ZNF618: variants seen among roughly 807,000 people sequenced by gnomAD.
ZNF618 encodes neural precursor cell expressed, developmentally down-regulated 10.
A neutral mutation model predicts 103.0 loss-of-function variants in ZNF618; 34 were observed. The observed-to-expected ratio is 0.33, with a 90% CI of 0.25 to 0.44. ZNF618 has a LOEUF of 0.44. ZNF618 is among the 20% of genes least tolerant of loss of function. The pLI is 1.00. For missense variants in ZNF618, 1,059 were observed against 1,295.4 expected (o/e 0.82, Z 2.80); for synonymous variants, 551 against 542.2 (o/e 1.02, Z -0.23).
intron 10 of ZNF618, among the ~76,000 whole-genome samples, chr9:114,017,666 C>G (rs1842760007): frequency 6.6e-6 from 1 of 152,170 alleles, no homozygotes; most frequent in African/African-American, 2.4e-5. Context: ...TTGTTTCTCA[C>G]AGCAGAGCTG....
chr9:113,958,053 G>T (rs1314701628), intron 1 of ZNF618, among the ~76,000 whole-genome samples: 1 of 151,994 alleles, frequency 6.6e-6, no homozygotes, highest in Admixed American at 6.6e-5. Context: ...GAGATTAACT[G>T]TGACTGGAAA....
chr9:113,951,806 C>T (rs1440485944), intron 1 of ZNF618, among the ~76,000 whole-genome samples: 1 of 151,798 alleles, frequency 6.6e-6, no homozygotes, highest in African/African-American at 2.4e-5. Flanking sequence ...GTGCCATTTT[C>T]CTTTTCTTAG....
At position 113,951,559 on chromosome 9, in the gene ZNF618, GTA is replaced by G. The variant is rs1242686867; in HGVS notation, c.34-17554_34-17553del. 8.3e-5 allele frequency among the ~76,000 whole-genome samples: 3 copies of G among 36,046 alleles called. 1 individual carries two copies. The highest frequency in any genetic ancestry group is 1.9e-4 in the Non-Finnish European group (3 of 15,752). The allele number at this position is 36,046 out of a possible 152,430, so 23.6% of individuals were successfully genotyped here. A position where few individuals can be genotyped will look rare whatever the true frequency, so the allele number is the denominator to read the frequency against. ...TGTACATATGTACACATATGTGTGT[GTA>G]TATGTGTGTGTGTATATGTGTGTGT... On this transcript the variant is annotated intron_variant, in intron 1 of 14. Coordinates refer to ENST00000374126, the MANE Select transcript of ZNF618 (RefSeq NM_001318042.2).
At chr9:113,906,974 G>A (rs1224713382) in intron 1 of ZNF618, among the ~76,000 whole-genome samples, 1 of 152,178 alleles carries the variant, frequency 6.6e-6, no homozygotes, top group Non-Finnish European at 1.5e-5. Flanking sequence ...TCCAAGTGGT[G>A]GCAGAAATGG....
intron 1 of ZNF618, among the ~76,000 whole-genome samples, chr9:113,941,036 C>A (rs367621401): frequency 2.6e-5 from 4 of 152,018 alleles, no homozygotes; most frequent in African/African-American, 9.6e-5. Context: ...TCTTTTCTTT[C>A]TTTATCTTCT....
chr9:114,008,398 C>G lies in ZNF618; in HGVS notation c.676+19C>G. 1 of 1,614,032 alleles carries G rather than the reference C, an allele frequency of 6.2e-7. No homozygotes were observed. Among genetic ancestry groups the G allele is most frequent in the Non-Finnish European group, 8.5e-7 (1 of 1,179,882 alleles). ...CGGGCAGGTAAGTCCTTGGTGTCTGCTTGTCACCTCCCCTGTCCCCGGCTG... is the reference window on the plus strand; with the variant it reads ...CGGGCAGGTAAGTCCTTGGTGTCTGGTTGTCACCTCCCCTGTCCCCGGCTG... On this transcript the variant is annotated intron_variant, in intron 8 of 14. Coordinates refer to ENST00000374126, the MANE Select transcript of ZNF618 (RefSeq NM_001318042.2).
chr9:114,000,342 T>C (rs1841066786), intron 4 of ZNF618, among the ~76,000 whole-genome samples: 1 of 151,950 alleles, frequency 6.6e-6, no homozygotes, highest in Non-Finnish European at 1.5e-5. Flanking sequence ...GTGTCCGAGA[T>C]CAAAAAAAGG....
At chr9:113,900,317 C>T (rs957143586) in intron 1 of ZNF618, among the ~76,000 whole-genome samples, 2 of 152,152 alleles carry the variant, frequency 1.3e-5, no homozygotes, top group African/African-American at 4.8e-5. Context: ...CCACCTCGGC[C>T]TCCCAAAGTG....
chr9:114,012,953 G>T (rs1308972863), intron 9 of ZNF618, among the ~76,000 whole-genome samples: 2 of 151,470 alleles, frequency 1.3e-5, no homozygotes, highest in Non-Finnish European at 2.9e-5. Flanking sequence ...AAAGAGACCT[G>T]TACCTACATA....
intron 1 of ZNF618, among the ~76,000 whole-genome samples, chr9:113,934,845 A>G (rs1292708514): frequency 6.6e-6 from 1 of 152,214 alleles, no homozygotes; most frequent in Non-Finnish European, 1.5e-5. Context: ...TGGCCCGAGC[A>G]TGGAGAGGCT....
chr9:114,002,544 A>G (rs1841334574), intron 5 of ZNF618, 80 bp from the exon 6 acceptor site: 11 of 1,490,208 alleles, frequency 7.4e-6, no homozygotes, highest in South Asian at 1.2e-5. Flanking sequence ...TGTGGCTTCC[A>G]TGTTCTCTTT....
Position 114,056,226 on chromosome 9 carries a change from C to G in ZNF618, c.*6059C>G, listed in dbSNP as rs996031880. 1 of 152,108 alleles carries G rather than the reference C, an allele frequency of 6.6e-6. No individual in the cohort carries two copies. The highest frequency in any genetic ancestry group is 1.9e-4 in the East Asian group (1 of 5,198). 9.4% of individuals were successfully genotyped at this position (152,108 alleles called of 1,614,324 possible). On this transcript the variant is annotated 3_prime_UTR_variant, in exon 15 of 15. Transcript: ENST00000374126. ...GCCGTTTCTCCATTTACAGCCAAATCAGTTTCATGATGTTCAAAACATTTA... is the reference window on the plus strand; with the variant it reads ...GCCGTTTCTCCATTTACAGCCAAATGAGTTTCATGATGTTCAAAACATTTA...
chr9:113,918,191 G>A (rs975445622), intron 1 of ZNF618, among the ~76,000 whole-genome samples: 2 of 152,114 alleles, frequency 1.3e-5, no homozygotes, highest in Non-Finnish European at 2.9e-5. Flanking sequence ...ATGCATTTCC[G>A]GCAAGAATAC....
chr9:113,984,489 G>C (rs1359252323), intron 2 of ZNF618, among the ~76,000 whole-genome samples: 1 of 152,192 alleles, frequency 6.6e-6, no homozygotes, highest in Non-Finnish European at 1.5e-5. Context: ...GTGTAGGGGT[G>C]GGCAGATGAG....
At chr9:113,897,001 T>G (rs1300489378) in intron 1 of ZNF618, among the ~76,000 whole-genome samples, 2 of 152,202 alleles carry the variant, frequency 1.3e-5, no homozygotes, top group African/African-American at 4.8e-5. Context: ...TTACCTTGTA[T>G]AGATTTACAT....
chr9:114,008,757 C>T (rs770494376), intron 9 of ZNF618, among the ~76,000 whole-genome samples: 1 of 152,188 alleles, frequency 6.6e-6, no homozygotes, highest in Non-Finnish European at 1.5e-5. Flanking sequence ...AAGGTCAGGA[C>T]AGTGAAGGCA....
intron 3 of ZNF618, among the ~76,000 whole-genome samples, chr9:113,993,915 G>A (rs1367770252): frequency 1.3e-5 from 2 of 152,222 alleles, no homozygotes; most frequent in Non-Finnish European, 2.9e-5. Flanking sequence ...GTAAAAGGAA[G>A]GACTTCGTGT....
In ZNF618 at chr9:114,052,152, T is replaced by G. The variant is rs915496556; in HGVS notation, c.*1985T>G. The G allele has an allele frequency of 6.6e-6, 1 of 152,654 alleles. No homozygotes were observed. The highest frequency in any genetic ancestry group is 2.4e-5 in the African/African-American group (1 of 41,442). The allele number at this position is 152,654 out of a possible 1,614,324, so 9.5% of individuals were successfully genotyped here. On this transcript the variant is annotated 3_prime_UTR_variant, in exon 15 of 15. Transcript: ENST00000374126. The stretch of plus-strand genomic sequence containing the variant: ...TCCATGACAGGAGCAGGGAGTAAAG[T>G]TGATTGCAAACCTCATGAAGGCTTA...
intron 1 of ZNF618, among the ~76,000 whole-genome samples, chr9:113,894,097 A>C: frequency 6.6e-6 from 1 of 152,304 alleles, no homozygotes; most frequent in East Asian, 1.9e-4. Flanking sequence ...TTTTTATACA[A>C]ATAATAGTTT....
Sources: allele counts gnomAD v4.1 joint callset (sites outside exome capture counted in the v4.1 genomes callset), GRCh38; gene constraint gnomAD v4.1.1; transcripts MANE v1.5; gene names NCBI Gene and HGNC (gene_info 2026-07-23, HGNC 2026-07-21).